TUSC3: variants seen among roughly 807,000 people sequenced by gnomAD.
TUSC3 encodes dolichyl-diphosphooligosaccharide--protein glycosyltransferase subunit TUSC3.
Under a neutral mutation model 44.8 loss-of-function variants are expected in TUSC3, and 45 were observed. That is an observed-to-expected ratio of 1.00 (90% CI 0.79 to 1.29). TUSC3 has a LOEUF of 1.29. TUSC3 is among the 50% of genes most tolerant of loss of function. The pLI is 0.00. For synonymous variants in TUSC3, 212 were observed against 152.9 expected, an observed-to-expected ratio of 1.39 and a Z score of -2.85; for missense variants, 519 against 437.9, an observed-to-expected ratio of 1.19 and a Z score of -1.65.
At chr8:15,828,729 G>C in the TUSC3 span, among the ~76,000 whole-genome samples, 2 of 152,150 alleles carry the variant, frequency 1.3e-5, no homozygotes, top group African/African-American at 2.4e-5. Flanking sequence ...ACCACAGACA[G>C]CTGAAATAAT....
At chr8:15,823,708 C>T in the TUSC3 span, among the ~76,000 whole-genome samples, 6,825 of 152,156 alleles carry the variant, frequency 0.045, 199 homozygotes, top group Non-Finnish European at 0.069. Flanking sequence ...CTGTTATTTA[C>T]AAAGGAGTTA....
the TUSC3 span, among the ~76,000 whole-genome samples, chr8:15,804,077 G>A: frequency 1.3e-5 from 2 of 152,164 alleles, no homozygotes; most frequent in Admixed American, 1.3e-4. Flanking sequence ...TAACGGGATT[G>A]CTGGGTCAAA....
intron 3 of TUSC3, among the ~76,000 whole-genome samples, chr8:15,656,560 A>T (rs1807175378): frequency 6.6e-6 from 1 of 152,160 alleles, no homozygotes; most frequent in Non-Finnish European, 1.5e-5. Flanking sequence ...CACTGGGGCA[A>T]AGGTTGAACC....
chr8:15,538,837 A>G (rs150720360), upstream of TUSC3, among the ~76,000 whole-genome samples: 11 of 151,580 alleles, frequency 7.3e-5, no homozygotes, highest in East Asian at 1.9e-3. Flanking sequence ...TATTATATAT[A>G]TAATATTTTT....
the TUSC3 span, among the ~76,000 whole-genome samples, chr8:15,833,668 G>C: frequency 7.4e-6 from 1 of 134,992 alleles, no homozygotes; most frequent in African/African-American, 2.5e-5. Context: ...GGTAGAACAA[G>C]AGACACTAGG....
chr8:15,575,162 T>C (rs562978415), intron 1 of TUSC3, among the ~76,000 whole-genome samples: 29 of 42,512 alleles, frequency 6.8e-4, no homozygotes, highest in African/African-American at 2.3e-3. Context: ...GATAGATGTA[T>C]TTTTTTTGCA....
At chr8:15,789,484 A>G in the TUSC3 span, among the ~76,000 whole-genome samples, 2 of 152,204 alleles carry the variant, frequency 1.3e-5, no homozygotes, top group African/African-American at 2.4e-5. Context: ...TTGACAGAGG[A>G]TGTCATACAG....
At chr8:15,786,893 G>A in the TUSC3 span, among the ~76,000 whole-genome samples, 8 of 141,246 alleles carry the variant, frequency 5.7e-5, no homozygotes, top group East Asian at 2.1e-4. Context: ...GCAGTGAGCC[G>A]AGATCGTGCC....
chr8:15,591,543 A>G (rs1271469643), intron 1 of TUSC3, among the ~76,000 whole-genome samples: 1 of 152,256 alleles, frequency 6.6e-6, no homozygotes, highest in East Asian at 1.9e-4. Context: ...AGAAGTATCA[A>G]GCGAGTAAGC....
chr8:15,456,443 A>T (rs1800257471), intron 1 of TUSC3, among the ~76,000 whole-genome samples: 2 of 152,218 alleles, frequency 1.3e-5, no homozygotes, highest in South Asian at 4.1e-4. Context: ...ACGTAAAGAG[A>T]TAATAATAGC....
chr8:15,585,638 A>G (rs550711872), intron 1 of TUSC3, among the ~76,000 whole-genome samples: 35 of 151,774 alleles, frequency 2.3e-4, no homozygotes, highest in Non-Finnish European at 4.1e-4. Flanking sequence ...AGAATCAATC[A>G]CTCCCTATTG....
At chr8:15,494,462 C>T (rs531629250) in intron 2 of TUSC3, among the ~76,000 whole-genome samples, 3 of 152,026 alleles carry the variant, frequency 2.0e-5, no homozygotes, top group East Asian at 1.9e-4. Context: ...GGACTACAGG[C>T]GCATGCCACC....
In TUSC3 at chr8:15,644,748, G is replaced by A. The variant is rs182159749; in HGVS notation, c.309-5949G>A. On this transcript the variant is annotated intron_variant, in intron 2 of 10. Coordinates refer to ENST00000503731, the MANE Select transcript of TUSC3 (RefSeq NM_006765.4). ...AGAGATATCATTAATATTAAAATACGTATTCCTCGGGCTCATTTATTTATT... is the reference window on the plus strand; with the variant it reads ...AGAGATATCATTAATATTAAAATACATATTCCTCGGGCTCATTTATTTATT... 1.4e-3 allele frequency among the ~76,000 whole-genome samples: 216 copies of A among 151,758 alleles called. 2 individuals carry two copies. The highest frequency in any genetic ancestry group is 5.0e-3 in the African/African-American group (205 of 41,354).
chr8:15,675,011 TCTCC>T (rs1808121360), intron 6 of TUSC3, among the ~76,000 whole-genome samples: 1 of 152,002 alleles, frequency 6.6e-6, no homozygotes, highest in Non-Finnish European at 1.5e-5. Flanking sequence ...CTATACTCTG[TCTCC>T]CTCTCCTGTT....
At chr8:15,847,896 A>G in the TUSC3 span, among the ~76,000 whole-genome samples, 1 of 152,184 alleles carries the variant, frequency 6.6e-6, no homozygotes, top group East Asian at 1.9e-4. Context: ...AGGAATAATC[A>G]TACCTGTGAG....
At chr8:15,511,976 C>A (rs4831732) in intron 2 of TUSC3, among the ~76,000 whole-genome samples, 145,009 of 152,200 alleles carry the variant, frequency 0.95, 69,470 homozygotes, top group East Asian at 1. Flanking sequence ...AATCCCCATC[C>A]AAGTTCCAGT....
chr8:15,708,322 TGTGTCACAGGAAGATGTTTAG>T (rs1373135000), intron 6 of TUSC3, among the ~76,000 whole-genome samples: 1 of 151,974 alleles, frequency 6.6e-6, no homozygotes. Context: ...AAAAACCTTG[TGTGTCACAGGAAGATGTTTAG>T]ACTCTGCTGT....
At chr8:15,595,247 T>C (rs1804017152) in intron 1 of TUSC3, among the ~76,000 whole-genome samples, 1 of 152,196 alleles carries the variant, frequency 6.6e-6, no homozygotes. Context: ...TCTTTACACA[T>C]AGGATTTGAT....
intron 2 of TUSC3, among the ~76,000 whole-genome samples, chr8:15,498,020 G>T (rs1026764445): frequency 1.8e-4 from 27 of 152,072 alleles, no homozygotes; most frequent in Non-Finnish European, 3.5e-4. Context: ...AAAGTGCTAG[G>T]ATTACAGGCA....
Sources: gnomAD v4.1 joint callset for allele counts (sites outside exome capture counted in the v4.1 genomes callset) on GRCh38, gnomAD v4.1.1 for gene constraint, MANE v1.5 for transcripts, NCBI Gene and HGNC (gene_info 2026-07-23, HGNC 2026-07-21) for gene names.